The following BPTF variants were observed in gnomAD, a reference collection of about 807,000 sequenced individuals.
BPTF encodes the protein nucleosome-remodeling factor subunit BPTF.
A neutral mutation model predicts 292.5 loss-of-function variants in BPTF; 18 were observed. That is an observed-to-expected ratio of 0.06 (90% CI 0.04 to 0.09). The LOEUF (loss-of-function observed/expected upper bound fraction) is 0.09, where lower values mean the gene tolerates loss of function less well. Among genes scored for constraint, BPTF ranks in the 10% least tolerant of loss-of-function variants. The pLI is 1.00. For synonymous variants in BPTF, 1,225 were observed against 1,251.9 expected (o/e 0.98, Z 0.45); for missense variants, 2,726 against 3,498.7 (o/e 0.78, Z 5.57).
At chr17:67,977,380 T>C (rs1425996460) in intron 27 of BPTF, among the ~76,000 whole-genome samples, 2 of 152,000 alleles carry the variant, frequency 1.3e-5, no homozygotes, top group Non-Finnish European at 2.9e-5. Context: ...GCAGGCATAA[T>C]GGTGCACGCC....
intron 21 of BPTF, among the ~76,000 whole-genome samples, chr17:67,947,129 T>G (rs1462337167): frequency 1.3e-5 from 2 of 152,210 alleles, no homozygotes. Flanking sequence ...TTGCAATGAT[T>G]AAATGAGGTC....
At chr17:67,843,582 A>G (rs181431236) in intron 1 of BPTF, among the ~76,000 whole-genome samples, 104 of 148,886 alleles carry the variant, frequency 7.0e-4, no homozygotes, top group Admixed American at 5.5e-3. Context: ...TATATACAGA[A>G]GATATATATC....
chr17:67,844,372 CG>C (rs1567883647), intron 1 of BPTF, among the ~76,000 whole-genome samples: 4 of 151,528 alleles, frequency 2.6e-5, no homozygotes, highest in African/African-American at 9.7e-5. Flanking sequence ...CTCAGCCTCC[CG>C]AGTAGCTGGG....
chr17:67,898,315 C>T lies in BPTF; in HGVS notation c.2543+4150C>T, dbSNP rs999056071. 8.5e-5 allele frequency among the ~76,000 whole-genome samples: 13 copies of T among 152,190 alleles called. 1 individual carries two copies. The highest frequency in any genetic ancestry group is 9.6e-5 in the African/African-American group (4 of 41,528). On this transcript the variant is annotated intron_variant, in intron 7 of 27. Coordinates refer to ENST00000306378, the MANE Select transcript of BPTF (RefSeq NM_182641.4). The stretch of plus-strand genomic sequence containing the variant: ...GGCAGAGGTTGCAATGAGCTGAGAT[C>T]GCACCAGTGCACTCCATCCTGAGCA...
intron 11 of BPTF, 89 bp from the exon 12 acceptor site, chr17:67,918,625 A>G: frequency 8.0e-7 from 1 of 1,256,262 alleles, no homozygotes; most frequent in Non-Finnish European, 1.1e-6. Context: ...CAAGAAACAC[A>G]GCCCTTCAGT....
chr17:67,963,640 C>T (rs2067723767), intron 24 of BPTF: 3 of 1,049,162 alleles, frequency 2.9e-6, no homozygotes, highest in Admixed American at 7.9e-5. Flanking sequence ...AATTCCTTTT[C>T]ATTTTTCTCT....
intron 26 of BPTF, among the ~76,000 whole-genome samples, chr17:67,973,556 T>TACA (rs2069043565): frequency 6.6e-6 from 1 of 151,876 alleles, no homozygotes; most frequent in Admixed American, 6.6e-5. Flanking sequence ...CAAGCAGTGG[T>TACA]GAGTGCAGTG....
intron 26 of BPTF, among the ~76,000 whole-genome samples, chr17:67,969,625 A>C (rs1476518668): frequency 1.4e-5 from 2 of 146,660 alleles, no homozygotes; most frequent in African/African-American, 5.4e-5. Context: ...ACCTTAGCTT[A>C]TTTAACCAAA....
intron 25 of BPTF, 70 bp from the exon 26 acceptor site, chr17:67,966,502 A>G (rs772928787): frequency 7.9e-6 from 11 of 1,389,690 alleles, no homozygotes; most frequent in Non-Finnish European, 5.1e-6. Context: ...TTGATGTAGT[A>G]ACTCAACCAG....
Position 67,928,521 on chromosome 17 carries a change from C to T in BPTF, c.5918C>T (p.Pro1973Leu), listed in dbSNP as rs2064105184. ...KMVLTTKVGS[P>L]ATVTFQQNKN... ...GTACTAACTACTAAAGTTGGATCTC[C>T]AGCTACAGTAACATTCCAACAAAAC... Residue 1973 changes from proline to leucine, a missense_variant, in exon 16 of 28, where the codon CCA becomes CTA. Transcript: ENST00000306378. The T allele has an allele frequency of 1.9e-6, 3 of 1,614,006 alleles. No individual in the cohort carries two copies. Among genetic ancestry groups the T allele is most frequent in the African/African-American group, 1.3e-5 (1 of 74,908 alleles).
At chr17:67,851,460 A>G (rs2058402438) in intron 1 of BPTF, among the ~76,000 whole-genome samples, 1 of 152,198 alleles carries the variant, frequency 6.6e-6, no homozygotes, top group African/African-American at 2.4e-5. Flanking sequence ...ATGCGTATGC[A>G]TAAGGATAGT....
chr17:67,959,375 G>A lies in BPTF; in HGVS notation c.7927-166G>A, dbSNP rs1473059687. ...CATTTTGTTTCTAGTTGTCTTAGTT[G>A]GGTTTAAGATATAAGAAAACTCTTG... On this transcript the variant is annotated intron_variant, in intron 23 of 27. Transcript: ENST00000306378. Among the ~76,000 whole-genome samples, 4 of 152,102 alleles carry A rather than the reference G, an allele frequency of 2.6e-5. No homozygotes were observed. The East Asian group carries it at 7.7e-4, about 29-fold the overall frequency.
At chr17:67,894,343 T>TCC (rs2061310419) in intron 7 of BPTF, among the ~76,000 whole-genome samples, 178 bp downstream of exon 7, 1 of 152,196 alleles carries the variant, frequency 6.6e-6, no homozygotes, top group Non-Finnish European at 1.5e-5. Context: ...TTTCTTTTTT[T>TCC]TTTGAGACAG....
intron 1 of BPTF, among the ~76,000 whole-genome samples, chr17:67,841,270 G>A (rs191254292): frequency 2.6e-5 from 4 of 151,908 alleles, no homozygotes; most frequent in Non-Finnish European, 4.4e-5. Context: ...TTAGCCGGTC[G>A]TGGTGGCACA....
Position 67,894,443 on chromosome 17 carries a change from T to C in BPTF, c.2543+278T>C, listed in dbSNP as rs1285096930. ...TCCCATATTCAAGCGATTCTCTTGT[T>C]TCAGCCTCCCAAGTAGCTAGGATTA... On this transcript the variant is annotated intron_variant, in intron 7 of 27. Coordinates refer to ENST00000306378, the MANE Select transcript of BPTF (RefSeq NM_182641.4). Among the ~76,000 whole-genome samples, 3 of 151,966 alleles carry C rather than the reference T, an allele frequency of 2.0e-5. No homozygotes were observed. The East Asian group carries it at 5.8e-4, about 29-fold the overall frequency.
chr17:67,860,363 T>C (rs2059002470), intron 2 of BPTF, among the ~76,000 whole-genome samples: 2 of 152,262 alleles, frequency 1.3e-5, no homozygotes, highest in African/African-American at 2.4e-5. Flanking sequence ...ACGCAGTTTA[T>C]AGTATGCAGA....
chr17:67,856,357 TTTCTC>T lies in BPTF; in HGVS notation c.1436+1598_1436+1602del, dbSNP rs1389888222. Among the ~76,000 whole-genome samples, 6 of 152,314 alleles carry T rather than the reference TTTCTC, an allele frequency of 3.9e-5. No homozygotes were observed. In the South Asian group the frequency reaches 6.2e-4, roughly 16 times the overall value. On this transcript the variant is annotated intron_variant, in intron 2 of 27. Transcript: ENST00000306378. ...TGTTTCTGTGTCTTGGATATAGTATTTTCTCTTACCTTTCTGAGGCTATTAATGAC... is the reference window on the plus strand; with the variant it reads ...TGTTTCTGTGTCTTGGATATAGTATTTTACCTTTCTGAGGCTATTAATGAC...
chr17:67,891,546 A>T (rs974461681), intron 4 of BPTF: 8 of 223,230 alleles, frequency 3.6e-5, no homozygotes, highest in Non-Finnish European at 6.9e-5. Context: ...TATGTTTGTT[A>T]CTTGTAAGTT....
In BPTF at chr17:67,874,874, C is replaced by T; in HGVS notation, c.1718C>T (p.Pro573Leu). The change falls in exon 4 of 28, where the codon CCA (proline) becomes CTA (leucine). Residue 573 changes from proline (P) to leucine (L), a missense_variant. Transcript: ENST00000306378. ...KKGDIDNVKS[P>L]EETEKDKNET... ...GGAGACATTGATAATGTTAAAAGCC[C>T]AGAAGAAACAGAAAAAGACAAGAAT... The T allele has an allele frequency of 1.9e-6, 3 of 1,613,446 alleles. No individual in the cohort carries two copies. Among genetic ancestry groups the T allele is most frequent in the Non-Finnish European group, 2.5e-6 (3 of 1,179,812 alleles).
Sources: gnomAD v4.1 joint callset for allele counts (sites outside exome capture counted in the v4.1 genomes callset) on GRCh38, gnomAD v4.1.1 for gene constraint, MANE v1.5 for transcripts, NCBI Gene and HGNC (gene_info 2026-07-23, HGNC 2026-07-21) for gene names.